Variants in FRMPD4 observed in about 807,000 individuals in gnomAD.
FRMPD4 encodes the protein FERM and PDZ domain-containing protein 4.
FRMPD4 carries 22 observed loss-of-function variants against 94.1 expected under a neutral mutation model. The observed-to-expected ratio is 0.23, with a 90% CI of 0.17 to 0.33. The LOEUF is 0.33. Among genes scored for constraint, FRMPD4 ranks in the 10% least tolerant of loss-of-function variants. The pLI is 1.00. For synonymous variants in FRMPD4, 631 were observed against 548.6 expected, an observed-to-expected ratio of 1.15 and a Z score of -2.10; for missense variants, 1,111 against 1,339.9, an observed-to-expected ratio of 0.83 and a Z score of 2.67.
intron 3 of FRMPD4, among the ~76,000 whole-genome samples, chrX:12,096,159 T>G (rs964576186): frequency 1.1e-4 from 12 of 112,753 alleles, no homozygotes; most frequent in Admixed American, 3.7e-4. Context: ...TAAAACATTA[T>G]ATCGGAAACA....
At chrX:11,884,043 G>A (rs893993543) in intron 3 of FRMPD4, among the ~76,000 whole-genome samples, 7 of 111,535 alleles carry the variant, frequency 6.3e-5, no homozygotes, top group African/African-American at 2.3e-4. Context: ...CCCTGTGGTG[G>A]AGTTGGGACA....
At chrX:12,709,790 GTTAA>G in intron 13 of FRMPD4, among the ~76,000 whole-genome samples, 1 of 111,950 alleles carries the variant, frequency 8.9e-6, no homozygotes, top group East Asian at 2.8e-4. Context: ...TGTTAAAAAT[GTTAA>G]TTATTTGGGA....
At chrX:12,517,714 A>T (rs755735852) in intron 2 of FRMPD4, among the ~76,000 whole-genome samples, 1 of 111,600 alleles carries the variant, frequency 9.0e-6, no homozygotes, top group East Asian at 2.8e-4. Flanking sequence ...TTAACGAAGC[A>T]CTCTGGCTGC....
At chrX:12,003,417 T>G (rs370225055) in intron 3 of FRMPD4, among the ~76,000 whole-genome samples, 10 of 87,704 alleles carry the variant, frequency 1.1e-4, no homozygotes, top group East Asian at 7.7e-4. Context: ...GTGTGTGTGT[T>G]TGTGTGTATT....
intron 2 of FRMPD4, among the ~76,000 whole-genome samples, chrX:12,516,899 C>CTTTTTTTTT (rs35098575): frequency 1.5e-5 from 1 of 68,405 alleles, no homozygotes. Flanking sequence ...CCTTTTCGTT[C>CTTTTTTTTT]TTTTTTTTTT....
At chrX:12,315,337 G>T (rs758689647) in intron 1 of FRMPD4, among the ~76,000 whole-genome samples, 1 of 112,141 alleles carries the variant, frequency 8.9e-6, no homozygotes, top group African/African-American at 3.2e-5. Context: ...AATAGTATTG[G>T]GTTAATCTTC....
At chrX:11,837,224 A>G (rs1172702346) in intron 1 of FRMPD4, among the ~76,000 whole-genome samples, 3 of 111,876 alleles carry the variant, frequency 2.7e-5, no homozygotes, top group Non-Finnish European at 5.7e-5. Flanking sequence ...CTGACTATGA[A>G]TTATATTTTA....
chrX:12,163,271 A>G (rs750320240), intron 1 of FRMPD4, among the ~76,000 whole-genome samples: 1 of 110,648 alleles, frequency 9.0e-6, no homozygotes, highest in African/African-American at 3.3e-5. Context: ...AAGATAAACT[A>G]TTCCAATTAT....
chrX:12,053,419 A>ATT (rs2054834687), intron 3 of FRMPD4, among the ~76,000 whole-genome samples: 1 of 98,841 alleles, frequency 1.0e-5, no homozygotes, highest in Non-Finnish European at 2.1e-5. Context: ...AGAAAGAAAG[A>ATT]AAGAAAGAAA....
intron 3 of FRMPD4, among the ~76,000 whole-genome samples, chrX:12,022,490 A>C (rs781258431): frequency 9.0e-6 from 1 of 111,548 alleles, no homozygotes; most frequent in South Asian, 3.8e-4. Flanking sequence ...GGAGCAGCTC[A>C]CTCCTAGGTC....
chrX:12,454,484 G>A (rs1008427091), intron 1 of FRMPD4, among the ~76,000 whole-genome samples: 1 of 110,665 alleles, frequency 9.0e-6, no homozygotes, highest in African/African-American at 3.3e-5. Context: ...GAATAACCAC[G>A]TGATCGTGGA....
chrX:12,412,753 C>T (rs1160414163), intron 1 of FRMPD4, among the ~76,000 whole-genome samples: 1 of 111,854 alleles, frequency 8.9e-6, no homozygotes, highest in Non-Finnish European at 1.9e-5. Context: ...TGCACTTCAT[C>T]TCATAGGCAC....
intron 1 of FRMPD4, among the ~76,000 whole-genome samples, chrX:12,404,017 A>G (rs955969612): frequency 8.9e-6 from 1 of 112,099 alleles, no homozygotes; most frequent in Non-Finnish European, 1.9e-5. Flanking sequence ...CAAACATACA[A>G]AAAGCCAAGG....
chrX:12,461,472 A>G lies in FRMPD4; in HGVS notation c.42-37208A>G, dbSNP rs1300650112. On this transcript the variant is annotated intron_variant, in intron 1 of 16. Coordinates refer to ENST00000675598, the MANE Select transcript of FRMPD4 (RefSeq NM_001368397.1). The stretch of plus-strand genomic sequence containing the variant: ...ATCTGTTGATCCAAGGATCAAGATA[A>G]AAGAGATAAAACTTATCTTGTGGAA... 3.6e-5 allele frequency among the ~76,000 whole-genome samples: 4 copies of G among 112,047 alleles called. No homozygotes were observed. The East Asian group carries it at 1.1e-3, about 31-fold the overall frequency.
chrX:12,671,809 A>G (rs5979707), intron 4 of FRMPD4, among the ~76,000 whole-genome samples: 51,924 of 109,976 alleles, frequency 0.47, 9,292 homozygotes, highest in Middle Eastern at 0.55. Context: ...CAATCATAAG[A>G]CAACTATATT....
chrX:12,115,814 C>A lies in FRMPD4; in HGVS notation c.95+237796C>A, dbSNP rs139794070. 2.6e-3 allele frequency among the ~76,000 whole-genome samples: 291 copies of A among 110,947 alleles called. 2 individuals carry two copies. Among genetic ancestry groups the A allele is most frequent in the Non-Finnish European group, 4.7e-3 (248 of 52,898 alleles). ...TTTGCAAGACCTTATAATTTATCACCTGGACGACTTAAATTCATCTCTCGA... is the reference window on the plus strand; with the variant it reads ...TTTGCAAGACCTTATAATTTATCACATGGACGACTTAAATTCATCTCTCGA... On this transcript the variant is annotated intron_variant, in intron 3 of 18. Coordinates refer to the FRMPD4 transcript ENST00000640291.
intron 1 of FRMPD4, among the ~76,000 whole-genome samples, chrX:12,381,495 TCTTTA>T (rs1458010575): frequency 3.7e-4 from 42 of 112,199 alleles, no homozygotes; most frequent in East Asian, 1.1e-3. Context: ...AGTGTTATTC[TCTTTA>T]CTTTATTAAA....
Position 12,498,766 on chromosome X carries a change from C to A in FRMPD4, c.128C>A (p.Ala43Glu). 8.5e-7 allele frequency: 1 copy of A among 1,174,852 alleles called. No homozygotes were observed. Among genetic ancestry groups the A allele is most frequent in the Non-Finnish European group, 1.2e-6 (1 of 865,727 alleles). Residue 43 changes from alanine to glutamate, a missense_variant, in exon 2 of 17, where the codon GCA (alanine) becomes GAA (glutamate). Transcript: ENST00000675598. ...QVPPYGWEMT[A>E]NRDGRDYFIN... Reference sequence around the variant, plus strand: ...CCGCCCTATGGATGGGAGATGACGGCAAACCGAGATGGGCGAGACTACTTC... The same window carrying A: ...CCGCCCTATGGATGGGAGATGACGGAAAACCGAGATGGGCGAGACTACTTC...
chrX:12,567,308 T>C (rs1271373673), intron 2 of FRMPD4, among the ~76,000 whole-genome samples: 6 of 112,160 alleles, frequency 5.3e-5, no homozygotes, highest in Admixed American at 2.8e-4. Context: ...GGATTTAAGA[T>C]AAGAGTTTTA....
Sources: allele counts gnomAD v4.1 joint callset (sites outside exome capture counted in the v4.1 genomes callset), GRCh38; gene constraint gnomAD v4.1.1; transcripts MANE v1.5; gene names NCBI Gene and HGNC (gene_info 2026-07-23, HGNC 2026-07-21).